Variants in SNTB1 observed in about 807,000 individuals in gnomAD.
SNTB1 encodes syntrophin beta 1, also known as beta-1-syntrophin.
Under a neutral mutation model 48.9 loss-of-function variants are expected in SNTB1, and 36 were observed. That is an observed-to-expected ratio of 0.74 (90% CI 0.56 to 0.97). The LOEUF is 0.97. SNTB1 is among the 50% of genes least tolerant of loss of function. The probability of loss-of-function intolerance (pLI) is 0.00; values close to 1 mark genes in which losing one functional copy is unlikely to be tolerated. For synonymous variants in SNTB1, 299 were observed against 294.6 expected (o/e 1.01, Z -0.15); for missense variants, 786 against 703.4 (o/e 1.12, Z -1.33).
chr8:120,730,682 CA>C (rs1818835586), intron 1 of SNTB1, among the ~76,000 whole-genome samples: 1 of 152,146 alleles, frequency 6.6e-6, no homozygotes, highest in African/African-American at 2.4e-5. Flanking sequence ...TAACCCTAAG[CA>C]AGTCACTTAA....
intron 1 of SNTB1, among the ~76,000 whole-genome samples, chr8:120,695,699 C>G (rs968722260): frequency 6.6e-6 from 1 of 151,868 alleles, no homozygotes; most frequent in African/African-American, 2.4e-5. Context: ...TCAAATATAC[C>G]CAGATGCATG....
chr8:120,720,722 T>C (rs1818645274), intron 1 of SNTB1, among the ~76,000 whole-genome samples: 1 of 152,216 alleles, frequency 6.6e-6, no homozygotes. Flanking sequence ...GCAGAAGTCA[T>C]TACTGTTTTG....
intron 5 of SNTB1, among the ~76,000 whole-genome samples, chr8:120,543,569 T>G (rs1214971764): frequency 6.6e-6 from 1 of 152,204 alleles, no homozygotes; most frequent in Non-Finnish European, 1.5e-5. Context: ...CTCTGTCCTG[T>G]GTCCCTTCTC....
chr8:120,713,253 G>C (rs1319390343), intron 1 of SNTB1, among the ~76,000 whole-genome samples: 1 of 152,098 alleles, frequency 6.6e-6, no homozygotes, highest in Non-Finnish European at 1.5e-5. Context: ...AAACTTCACA[G>C]AGTGAAGTAC....
intron 3 of SNTB1, among the ~76,000 whole-genome samples, chr8:120,581,088 C>CA (rs775547135): frequency 0.031 from 2,812 of 89,494 alleles, 47 homozygotes; most frequent in African/African-American, 0.048. Context: ...GACCCTGTCT[C>CA]AAAAAAAAAA....
intron 1 of SNTB1, among the ~76,000 whole-genome samples, chr8:120,727,176 A>G (rs1818771106): frequency 6.6e-6 from 1 of 152,226 alleles, no homozygotes; most frequent in African/African-American, 2.4e-5. Flanking sequence ...TGTGGGGTCA[A>G]AGGCTGCCTT....
rs182338114 is a variant in SNTB1, at chr8:120,789,019, A to G, written c.571+22254T>C. Among the ~76,000 whole-genome samples the G allele has an allele frequency of 2.3e-3, 349 of 152,226 alleles. 1 individual carries two copies. The highest frequency in any genetic ancestry group is 3.6e-3 in the Non-Finnish European group (247 of 67,954). On this transcript the variant is annotated intron_variant, in intron 1 of 6. Transcript: ENST00000517992. ...CAAAACAAGCCTCAATAAATTTTAA[A>G]TTATTGAAACAGTATCAAGTATCTT... is the stretch of plus-strand genomic sequence containing the variant.
intron 1 of SNTB1, among the ~76,000 whole-genome samples, chr8:120,810,421 C>T (rs1413048421): frequency 6.6e-6 from 1 of 152,186 alleles, no homozygotes; most frequent in African/African-American, 2.4e-5. Context: ...AATGAGGGGA[C>T]TGGGGACATC....
intron 1 of SNTB1, among the ~76,000 whole-genome samples, chr8:120,753,597 C>T (rs1472056759): frequency 2.6e-5 from 4 of 152,170 alleles, no homozygotes; most frequent in East Asian, 1.9e-4. Context: ...AACAGAACTT[C>T]GGTCCCACAG....
intron 2 of SNTB1, among the ~76,000 whole-genome samples, chr8:120,679,269 T>A (rs756469254): frequency 6.6e-6 from 1 of 152,170 alleles, no homozygotes; most frequent in Non-Finnish European, 1.5e-5. Flanking sequence ...AATTGGCAAA[T>A]ACAAAAGAAA....
At chr8:120,693,201 G>GC (rs1226293126) in intron 2 of SNTB1, among the ~76,000 whole-genome samples, 1 of 152,146 alleles carries the variant, frequency 6.6e-6, no homozygotes, top group Non-Finnish European at 1.5e-5. Flanking sequence ...TGAGGGTTCT[G>GC]CCCCCATGAC....
chr8:120,714,292 T>C lies in SNTB1; in HGVS notation c.572-20384A>G, dbSNP rs554220012. The stretch of plus-strand genomic sequence containing the variant: ...AGCAGTGCGTGCAAGCCATCCATAA[T>C]GCTGTCTTCAGAAACAGTCAAAACT... On this transcript the variant is annotated intron_variant, in intron 1 of 6. Transcript: ENST00000517992. 2.0e-5 allele frequency among the ~76,000 whole-genome samples: 3 copies of C among 152,240 alleles called. No homozygotes were observed. In the South Asian group the frequency reaches 6.2e-4, roughly 32 times the overall value.
At chr8:120,637,682 A>G (rs972069964) in intron 2 of SNTB1, 6 of 395,218 alleles carry the variant, frequency 1.5e-5, no homozygotes, top group African/African-American at 8.7e-5. Flanking sequence ...TAAAAATTCT[A>G]TGATCCCATT....
intron 2 of SNTB1, among the ~76,000 whole-genome samples, chr8:120,690,201 T>G (rs73321227): frequency 0.024 from 3,682 of 152,304 alleles, 152 homozygotes; most frequent in African/African-American, 0.082. Context: ...GCCTACTTTA[T>G]AAATTAAACT....
intron 1 of SNTB1, among the ~76,000 whole-genome samples, chr8:120,775,707 C>G (rs1324315687): frequency 1.7e-5 from 2 of 114,410 alleles, no homozygotes; most frequent in African/African-American, 3.3e-5. Flanking sequence ...GGGAAGGAGA[C>G]AAGGAAGGAA....
intron 3 of SNTB1, among the ~76,000 whole-genome samples, chr8:120,596,185 CT>C (rs1816321469): frequency 6.6e-6 from 1 of 152,098 alleles, no homozygotes; most frequent in Admixed American, 6.5e-5. Flanking sequence ...GCCTTTTAAG[CT>C]AAAAAAGCAT....
chr8:120,811,949 CCGCGGGGAGGTGGCGGCA>C lies in SNTB1; in HGVS notation c.-124_-107del, dbSNP rs1221176561. On this transcript the variant is annotated 5_prime_UTR_variant, in exon 1 of 7. Coordinates refer to ENST00000517992, the MANE Select transcript of SNTB1 (RefSeq NM_021021.4). ...CCCGGGGGAGCGAGGAGAGTGCGTC[CCGCGGGGAGGTGGCGGCA>C]CGCGGGACTCCGCTCCGGGAGTTCG... 1.3e-5 allele frequency: 16 copies of C among 1,273,340 alleles called. No individual in the cohort carries two copies. The highest frequency in any genetic ancestry group is 3.3e-5 in the East Asian group (1 of 30,690). The allele number at this position is 1,273,340 out of a possible 1,614,324, so 78.9% of individuals were successfully genotyped here.
At chr8:120,630,107 GT>G (rs779181710) in intron 3 of SNTB1, among the ~76,000 whole-genome samples, 37 of 152,322 alleles carry the variant, frequency 2.4e-4, no homozygotes, top group Admixed American at 4.6e-4. Flanking sequence ...TAGATGCAGG[GT>G]TGCATGTGTT....
At chr8:120,579,870 G>C (rs1189917895) in intron 3 of SNTB1, among the ~76,000 whole-genome samples, 1 of 152,140 alleles carries the variant, frequency 6.6e-6, no homozygotes, top group East Asian at 1.9e-4. Flanking sequence ...GATTTACAAA[G>C]CTGTCTTACA....
Sources: gnomAD v4.1 joint callset for allele counts (sites outside exome capture counted in the v4.1 genomes callset) on GRCh38, gnomAD v4.1.1 for gene constraint, MANE v1.5 for transcripts, NCBI Gene and HGNC (gene_info 2026-07-23, HGNC 2026-07-21) for gene names.